The following MYO9B variants were observed in gnomAD, a reference collection of about 807,000 sequenced individuals.
MYO9B encodes myosin IXB, also known as unconventional myosin-IXb.
A neutral mutation model predicts 229.5 loss-of-function variants in MYO9B; 71 were observed. The observed-to-expected ratio is 0.31, with a 90% CI of 0.26 to 0.38. The LOEUF (loss-of-function observed/expected upper bound fraction) is 0.38. MYO9B is among the 10% of genes least tolerant of loss of function. The pLI, the probability that MYO9B is intolerant of heterozygous loss-of-function variation, is 1.00. For synonymous variants in MYO9B, 1,185 were observed against 1,235.8 expected (o/e 0.96, Z 0.86); for missense variants, 2,255 against 2,920.5 (o/e 0.77, Z 5.25).
Position 17,177,142 on chromosome 19 carries a change from G to A in MYO9B, c.2219+1401G>A, listed in dbSNP as rs374136149. Reference sequence around the variant, plus strand: ...CTTGAACCTGGGAGATGGAAGTTGCGGTGAGCCAAGATCGCACCACTGCAC... The same window carrying A: ...CTTGAACCTGGGAGATGGAAGTTGCAGTGAGCCAAGATCGCACCACTGCAC... On this transcript the variant is annotated intron_variant, in intron 14 of 39. Coordinates refer to ENST00000682292, the MANE Select transcript of MYO9B (RefSeq NM_004145.4). Among the ~76,000 whole-genome samples, 14 of 151,978 alleles carry A rather than the reference G, an allele frequency of 9.2e-5. 1 individual carries two copies. The highest frequency in any genetic ancestry group is 4.2e-4 in the South Asian group (2 of 4,802).
chr19:17,169,808 T>TCC (rs1202884813), intron 11 of MYO9B, among the ~76,000 whole-genome samples: 2,628 of 128,012 alleles, frequency 0.021, 193 homozygotes, highest in African/African-American at 0.077. Context: ...CCTCCTTTTT[T>TCC]TTTTTTTTTT....
chr19:17,210,621 CA>C, intron 37 of MYO9B, 93 bp from the exon 38 acceptor site: 1 of 1,417,772 alleles, frequency 7.1e-7, no homozygotes, highest in South Asian at 1.5e-5. Flanking sequence ...AGCACACTCA[CA>C]TCACAACTAA....
chr19:17,145,369 C>A, intron 2 of MYO9B, 28 bp from the exon 3 acceptor site: 1 of 1,596,634 alleles, frequency 6.3e-7, no homozygotes. Context: ...CCCTCCTGAT[C>A]TGAAACCTGC....
intron 7 of MYO9B, among the ~76,000 whole-genome samples, chr19:17,158,391 G>A (rs2072560189): frequency 6.6e-6 from 1 of 151,980 alleles, no homozygotes; most frequent in Non-Finnish European, 1.5e-5. Flanking sequence ...GAGAACTTCA[G>A]GCCCCAAAGC....
At chr19:17,142,164 T>C (rs61166126) in intron 2 of MYO9B, among the ~76,000 whole-genome samples, 34,496 of 104,308 alleles carry the variant, frequency 0.33, 4,375 homozygotes, top group African/African-American at 0.5. Flanking sequence ...GACCCTGCCT[T>C]TTAAAAAAAA....
At position 17,211,991 on chromosome 19, in the gene MYO9B, T is replaced by C. The variant is rs117297085; in HGVS notation, c.6155T>C (p.Val2052Ala). The change falls in exon 40 of 40, where the codon GTA becomes GCA. Residue 2052 changes from valine to alanine, a missense_variant. Around this residue, in one of 7 missense-constraint regions of MYO9B, gnomAD observed 331 missense variants for 332.5 expected, o/e 1.00. Coordinates refer to ENST00000682292, the MANE Select transcript of MYO9B (RefSeq NM_004145.4). ...CCACGACGAAGGCCGTCGTCCTTCGTAACGGTCAGAGTGAAGACCCCCCGG... is the reference window on the plus strand; with the variant it reads ...CCACGACGAAGGCCGTCGTCCTTCGCAACGGTCAGAGTGAAGACCCCCCGG... ...APPRRRPSSF[V>A]TVRVKTPRRT... The C allele has an allele frequency of 0.035, 48,795 of 1,387,790 alleles. 914 individuals are homozygous for C. The highest frequency in any genetic ancestry group is 0.073 in the Middle Eastern group (353 of 4,860). The allele number at this position is 1,387,790 out of a possible 1,614,324, so 86.0% of individuals were successfully genotyped here.
chr19:17,158,153 G>A (rs996567894), intron 7 of MYO9B, among the ~76,000 whole-genome samples: 5 of 152,198 alleles, frequency 3.3e-5, no homozygotes, highest in Admixed American at 1.3e-4. Context: ...CAGTGAGGCC[G>A]AGGAGCCCTA....
At chr19:17,203,008 AGT>A in intron 29 of MYO9B, 125 bp downstream of exon 29, 1 of 1,392,686 alleles carries the variant, frequency 7.2e-7, no homozygotes. Flanking sequence ...GACACGTGTG[AGT>A]GTGTTTTTCC....
chr19:17,147,907 C>T (rs1410584671), intron 3 of MYO9B, among the ~76,000 whole-genome samples: 3 of 151,650 alleles, frequency 2.0e-5, no homozygotes, highest in Non-Finnish European at 2.9e-5. Flanking sequence ...GTCTCGAACT[C>T]CCGACCTCAG....
intron 1 of MYO9B, among the ~76,000 whole-genome samples, chr19:17,093,388 C>T (rs564492129): frequency 5.3e-5 from 8 of 151,984 alleles, no homozygotes; most frequent in Non-Finnish European, 1.2e-4. Flanking sequence ...GTATTCCTTA[C>T]CTGGATTAGA....
At chr19:17,184,009 T>C in intron 16 of MYO9B, 141 bp downstream of exon 16, 1 of 851,300 alleles carries the variant, frequency 1.2e-6, no homozygotes, top group Non-Finnish European at 1.8e-6. Context: ...AAAAATGTTC[T>C]CGTGTTGAGA....
intron 2 of MYO9B, among the ~76,000 whole-genome samples, chr19:17,140,435 T>C (rs1164803857): frequency 6.6e-6 from 1 of 151,958 alleles, no homozygotes; most frequent in Non-Finnish European, 1.5e-5. Context: ...CCCATGTAAG[T>C]GACCTCATCA....
intron 1 of MYO9B, among the ~76,000 whole-genome samples, chr19:17,093,695 G>C (rs1212204918): frequency 2.1e-4 from 6 of 28,166 alleles, no homozygotes; most frequent in South Asian, 1.6e-3. Context: ...GCGGGGGGTG[G>C]GGGGGGGGGT....
At chr19:17,186,689 C>A (rs2072922906) in intron 18 of MYO9B, among the ~76,000 whole-genome samples, 1 of 152,086 alleles carries the variant, frequency 6.6e-6, no homozygotes. Context: ...CACCCCCAGT[C>A]ATGACAACCC....
intron 38 of MYO9B, among the ~76,000 whole-genome samples, chr19:17,211,222 C>A (rs1459377258): frequency 2.0e-5 from 3 of 152,040 alleles, no homozygotes; most frequent in Non-Finnish European, 4.4e-5. Flanking sequence ...CTCAAGTGAT[C>A]CACCCACCTT....
At chr19:17,205,425 C>T (rs2073149626) in intron 31 of MYO9B, 89 bp downstream of exon 31, 7 of 1,309,780 alleles carry the variant, frequency 5.3e-6, no homozygotes, top group South Asian at 1.2e-5. Flanking sequence ...GAGGGCCAAG[C>T]GAAGCATTGA....
At chr19:17,204,720 G>A (rs2073141330) in intron 30 of MYO9B, among the ~76,000 whole-genome samples, 1 of 151,912 alleles carries the variant, frequency 6.6e-6, no homozygotes, top group Non-Finnish European at 1.5e-5. Flanking sequence ...GGTGGTGCAC[G>A]CCTGTAGTGC....
At chr19:17,149,278 T>TC (rs2072451231) in intron 3 of MYO9B, among the ~76,000 whole-genome samples, 3 of 151,856 alleles carry the variant, frequency 2.0e-5, no homozygotes, top group Admixed American at 2.0e-4. Flanking sequence ...TGCGCCCAGC[T>TC]CCCTTTTTCC....
chr19:17,175,306 G>C (rs573819397), intron 13 of MYO9B, among the ~76,000 whole-genome samples: 1 of 151,668 alleles, frequency 6.6e-6, no homozygotes, highest in Non-Finnish European at 1.5e-5. Flanking sequence ...AGGTTGGGGG[G>C]TGTTGCAGAG....
Sources: allele counts gnomAD v4.1 joint callset (sites outside exome capture counted in the v4.1 genomes callset), GRCh38; gene constraint gnomAD v4.1.1; regional missense constraint gnomAD v4.1.1; transcripts MANE v1.5; gene names NCBI Gene and HGNC (gene_info 2026-07-23, HGNC 2026-07-21).